The following ALG9 variants were observed in gnomAD, a reference collection of about 807,000 sequenced individuals.
The protein encoded by ALG9 is alpha-1,2-mannosyltransferase ALG9.
In ALG9, 55 loss-of-function variants were observed where a neutral mutation model predicts 81.8. The observed-to-expected ratio is 0.67, with a 90% CI of 0.54 to 0.84. The LOEUF is 0.84. Ranked by LOEUF, ALG9 falls within the 40% of genes least tolerant of loss-of-function variation. The pLI is 0.00. For synonymous variants in ALG9, 278 were observed against 274.3 expected (o/e 1.01, Z -0.13); for missense variants, 629 against 745.0 (o/e 0.84, Z 1.81).
chr11:111,780,170 T>C (rs781406814), downstream of ALG9, among the ~76,000 whole-genome samples: 6 of 152,114 alleles, frequency 3.9e-5, no homozygotes, highest in Non-Finnish European at 2.9e-5. Flanking sequence ...CCAAACTTGT[T>C]CAGAAGGCCT....
intron 8 of ALG9, among the ~76,000 whole-genome samples, chr11:111,851,475 C>A: frequency 1.2e-5 from 1 of 81,626 alleles, no homozygotes; most frequent in African/African-American, 4.5e-5. Flanking sequence ...GAAACTCCAT[C>A]TCAAAAAAAA....
downstream of ALG9, among the ~76,000 whole-genome samples, chr11:111,782,019 T>C (rs1016954001): frequency 2.0e-4 from 30 of 152,210 alleles, no homozygotes; most frequent in Non-Finnish European, 2.5e-4. Flanking sequence ...TTTCCCAAAG[T>C]CTTCTTCTAA....
At chr11:111,833,255 A>G (rs1488851980) in intron 13 of ALG9, among the ~76,000 whole-genome samples, 1 of 152,154 alleles carries the variant, frequency 6.6e-6, no homozygotes, top group Admixed American at 6.6e-5. Context: ...TTCAAGAACT[A>G]AAGAGGTGAC....
intron 14 of ALG9, among the ~76,000 whole-genome samples, chr11:111,793,572 T>C (rs975768317): frequency 5.9e-5 from 9 of 151,658 alleles, no homozygotes; most frequent in African/African-American, 4.8e-5. Context: ...CCATCCTGGC[T>C]AACATGGTGA....
intron 14 of ALG9, among the ~76,000 whole-genome samples, chr11:111,793,235 G>T (rs1214621880): frequency 6.6e-6 from 1 of 152,058 alleles, no homozygotes; most frequent in Non-Finnish European, 1.5e-5. Flanking sequence ...TCCCACCTTG[G>T]CCTCCCAAAG....
chr11:111,780,705 A>T (rs191427451), downstream of ALG9, among the ~76,000 whole-genome samples: 1,238 of 152,276 alleles, frequency 8.1e-3, 5 homozygotes, highest in Middle Eastern at 0.048. Context: ...CCAACTTGCC[A>T]TATTTTCTAT....
At chr11:111,858,224 C>T (rs1045462229) in intron 5 of ALG9, among the ~76,000 whole-genome samples, 2 of 152,230 alleles carry the variant, frequency 1.3e-5, no homozygotes, top group East Asian at 1.9e-4. Flanking sequence ...CGTGAACCAC[C>T]GCACCTGGCC....
chr11:111,870,601 C>T (rs550943707), intron 1 of ALG9, among the ~76,000 whole-genome samples: 1 of 152,224 alleles, frequency 6.6e-6, no homozygotes, highest in South Asian at 2.1e-4. Flanking sequence ...GTTGCCCAGG[C>T]TGGACTTAAA....
At chr11:111,839,456 G>T (rs1392690571) in intron 10 of ALG9, among the ~76,000 whole-genome samples, 2 of 151,832 alleles carry the variant, frequency 1.3e-5, no homozygotes, top group African/African-American at 4.8e-5. Flanking sequence ...GTGGTGGCGG[G>T]CGCCTGTAGT....
At chr11:111,816,297 A>T (rs530408152) in intron 13 of ALG9, among the ~76,000 whole-genome samples, 1 of 152,228 alleles carries the variant, frequency 6.6e-6, no homozygotes, top group Non-Finnish European at 1.5e-5. Flanking sequence ...AAAATTACAT[A>T]TAAGTCATAA....
At chr11:111,800,385 G>A (rs1397857351) in intron 14 of ALG9, among the ~76,000 whole-genome samples, 2 of 152,086 alleles carry the variant, frequency 1.3e-5, no homozygotes, top group Admixed American at 6.6e-5. Context: ...GGAGGCTGAG[G>A]CAGGAGAATC....
intron 1 of ALG9, chr11:111,870,864 C>G: frequency 1.0e-6 from 1 of 1,000,966 alleles, no homozygotes; most frequent in Non-Finnish European, 1.2e-6. Flanking sequence ...CCCTTATGTT[C>G]AGATAGAAGC....
At chr11:111,802,683 A>G (rs1404366865) in intron 14 of ALG9, among the ~76,000 whole-genome samples, 1 of 152,182 alleles carries the variant, frequency 6.6e-6, no homozygotes, top group East Asian at 1.9e-4. Context: ...TTAAAAAAAA[A>G]CACCCCGGTT....
At chr11:111,778,136 T>A (rs1262163618), downstream of ALG9, 1 of 152,074 alleles carries the variant, frequency 6.6e-6, no homozygotes, top group Non-Finnish European at 1.5e-5. Flanking sequence ...CTTTTTTTTT[T>A]ACACCCATTG....
chr11:111,861,915 T>C (rs1276460266), intron 4 of ALG9, among the ~76,000 whole-genome samples: 1 of 152,220 alleles, frequency 6.6e-6, no homozygotes, highest in Non-Finnish European at 1.5e-5. Context: ...TTTGGTCTTC[T>C]GGCTGTTAAA....
At chr11:111,776,322 G>A in the ALG9 span, among the ~76,000 whole-genome samples, 1 of 152,142 alleles carries the variant, frequency 6.6e-6, no homozygotes, top group East Asian at 1.9e-4. Context: ...GGACATAGTG[G>A]TTCACGCCTA....
intron 14 of ALG9, 23 bp from the exon 15 acceptor site, chr11:111,786,543 A>C: frequency 6.2e-7 from 1 of 1,613,286 alleles, no homozygotes; most frequent in South Asian, 1.1e-5. Context: ...GGATAAAAAA[A>C]AGAATTTTAT....
At chr11:111,844,261 C>G (rs1956640090) in intron 9 of ALG9, among the ~76,000 whole-genome samples, 1 of 152,152 alleles carries the variant, frequency 6.6e-6, no homozygotes, top group Non-Finnish European at 1.5e-5. Context: ...GCCTCGGCCT[C>G]CCAAAGTGCT....
Position 111,786,249 on chromosome 11 carries a change from G to A in ALG9, c.*148C>T, listed in dbSNP as rs557909277. 8.0e-7 allele frequency: 1 copy of A among 1,257,406 alleles called. No individual in the cohort carries two copies. Among genetic ancestry groups the A allele is most frequent in the Non-Finnish European group, 1.2e-6 (1 of 864,618 alleles). The allele number at this position is 1,257,406 out of a possible 1,614,324, so 77.9% of individuals were successfully genotyped here. A position where few individuals can be genotyped will look rare whatever the true frequency, so the allele number is the denominator to read the frequency against. ...GTGACTTTGATTAGACTTTGAAATA[G>A]ACTTTGACTAGCCCAGAGCACCCAG... On this transcript the variant is annotated 3_prime_UTR_variant, in exon 15 of 15. Coordinates refer to ENST00000616540, the MANE Select transcript of ALG9 (RefSeq NM_024740.2).
Sources: allele counts gnomAD v4.1 joint callset (sites outside exome capture counted in the v4.1 genomes callset), GRCh38; gene constraint gnomAD v4.1.1; transcripts MANE v1.5; gene names NCBI Gene and HGNC (gene_info 2026-07-23, HGNC 2026-07-21).